The following ZNF711 variants were observed in gnomAD, a reference collection of about 807,000 sequenced individuals.
ZNF711 encodes the protein zinc finger protein 711.
A neutral mutation model predicts 43.5 loss-of-function variants in ZNF711; 3 were observed. The observed-to-expected ratio is 0.07, with a 90% CI of 0.03 to 0.18. The LOEUF (loss-of-function observed/expected upper bound fraction) is 0.18. ZNF711 is among the 10% of genes least tolerant of loss of function. ZNF711 has a pLI of 1.00. For synonymous variants in ZNF711, 209 were observed against 207.7 expected, an observed-to-expected ratio of 1.01 and a Z score of -0.06; for missense variants, 412 against 604.0, an observed-to-expected ratio of 0.68 and a Z score of 3.33.
At position 85,266,454 on chromosome X, in the gene ZNF711, C is replaced by T. The variant is rs528889002; in HGVS notation, c.917-824C>T. On this transcript the variant is annotated intron_variant, in intron 7 of 10. Transcript: ENST00000674551. ...GAATGTGGGAAACTTAGACCAGTGT[C>T]TCTTTTTGGTTAATAGAGAGAAGAC... is the stretch of plus-strand genomic sequence containing the variant. 6.2e-4 allele frequency among the ~76,000 whole-genome samples: 69 copies of T among 110,945 alleles called. No homozygotes were observed. In the South Asian group the frequency reaches 0.024, roughly 39 times the overall value.
At chrX:85,247,426 T>A in intron 3 of ZNF711, 121 bp from the exon 4 acceptor site, 1 of 437,254 alleles carries the variant, frequency 2.3e-6, no homozygotes, top group South Asian at 4.9e-5. Flanking sequence ...TGTTTTGCTT[T>A]CTTTTGTAAT....
In ZNF711 at chrX:85,265,177, C is replaced by A. The variant is rs760356724; in HGVS notation, c.838C>A (p.Leu280Ile). ...CAGTGGACATTCAGTAGCTGGAGTG[C>A]TTGACCAGAGCCGAATGCAGCGGGA... ...YTSGHSVAGV[L>I]DQSRMQREKM... The change falls in exon 7 of 11, where the codon CTT becomes ATT. Residue 280 changes from leucine (L) to isoleucine (I), a missense_variant. Leu to Ile is a conservative substitution (Grantham distance 5, BLOSUM62 2). This residue lies in a region of ZNF711 where 375 missense variants were observed against 514.2 expected (regional missense o/e 0.73). Coordinates refer to ENST00000674551, the MANE Select transcript of ZNF711 (RefSeq NM_001330574.2). 8.3e-7 allele frequency: 1 copy of A among 1,208,584 alleles called. No homozygotes were observed. The highest frequency in any genetic ancestry group is 1.1e-6 in the Non-Finnish European group (1 of 893,419).
chrX:85,269,924 C>A, intron 9 of ZNF711, 79 bp from the exon 10 acceptor site: 1 of 1,038,306 alleles, frequency 9.6e-7, no homozygotes, highest in Non-Finnish European at 1.3e-6. Flanking sequence ...GGTGTCATGT[C>A]ATCTGTAGTA....
At chrX:85,247,704 T>C (rs984578528) in intron 4 of ZNF711, 53 bp downstream of exon 4, 2 of 1,001,095 alleles carry the variant, frequency 2.0e-6, no homozygotes, top group African/African-American at 3.8e-5. Flanking sequence ...AAGGGGATAA[T>C]AAAAATCAAA....
At chrX:85,267,226 C>T in intron 7 of ZNF711, 52 bp from the exon 8 acceptor site, 1 of 927,285 alleles carries the variant, frequency 1.1e-6, no homozygotes, top group Non-Finnish European at 1.4e-6. Context: ...GAATTTTTAC[C>T]CACTTATTAA....
chrX:85,244,590 G>A (rs1040623086), intron 1 of ZNF711, among the ~76,000 whole-genome samples: 2 of 110,887 alleles, frequency 1.8e-5, no homozygotes, highest in African/African-American at 6.6e-5. Context: ...CTTTTCACTG[G>A]CGCCCCAGTC....
intron 10 of ZNF711, 123 bp from the exon 11 acceptor site, chrX:85,270,528 C>T: frequency 1.6e-6 from 1 of 619,100 alleles, no homozygotes; most frequent in African/African-American, 2.2e-5. Context: ...TTTTATATTA[C>T]AGGATTTCAT....
At chrX:85,245,502 T>C (rs1054002784) in intron 1 of ZNF711, among the ~76,000 whole-genome samples, 1 of 112,807 alleles carries the variant, frequency 8.9e-6, no homozygotes, top group Non-Finnish European at 1.9e-5. Flanking sequence ...TCACACAGTG[T>C]AATACTTTTA....
intron 5 of ZNF711, among the ~76,000 whole-genome samples, chrX:85,256,432 G>T (rs1930150729): frequency 9.0e-6 from 1 of 111,540 alleles, no homozygotes; most frequent in African/African-American, 3.3e-5. Flanking sequence ...TAAATGATGG[G>T]TTTATGAGAG....
In ZNF711 at chrX:85,244,044, T is replaced by A. The variant is rs1928739930; in HGVS notation, c.-553T>A. The A allele has an allele frequency of 8.0e-6, 1 of 125,157 alleles. No individual in the cohort carries two copies. The highest frequency in any genetic ancestry group is 1.6e-5 in the Non-Finnish European group (1 of 62,261). The allele number at this position is 125,157 out of a possible 1,213,427, so 10.3% of individuals were successfully genotyped here. On this transcript the variant is annotated 5_prime_UTR_variant, in exon 1 of 11. An upstream start codon of the reference 5' UTR is lost. Transcript: ENST00000674551. ...GGCTGCGGAACCTCGGAAACCCGAA[T>A]GTGAGGACCTTAAGGGATCCACAGC...
At chrX:85,267,871 CTTATT>C (rs1332257716) in intron 8 of ZNF711, among the ~76,000 whole-genome samples, 2 of 110,907 alleles carry the variant, frequency 1.8e-5, no homozygotes, top group Non-Finnish European at 3.8e-5. Context: ...CCCTTTCAGT[CTTATT>C]TTATTTCATT....
chrX:85,268,892 C>G (rs1011268298), intron 9 of ZNF711, among the ~76,000 whole-genome samples: 3 of 110,675 alleles, frequency 2.7e-5, no homozygotes, highest in Non-Finnish European at 3.8e-5. Context: ...CTGTTTCTAC[C>G]CTTGGGAAGT....
intron 4 of ZNF711, among the ~76,000 whole-genome samples, chrX:85,251,385 G>T (rs980302250): frequency 9.0e-6 from 1 of 111,627 alleles, no homozygotes. Flanking sequence ...TTTAATAGTT[G>T]TTTAAGATTT....
intron 1 of ZNF711, among the ~76,000 whole-genome samples, chrX:85,245,407 ACTG>A (rs1202752637): frequency 8.9e-6 from 1 of 112,252 alleles, no homozygotes; most frequent in Non-Finnish European, 1.9e-5. Flanking sequence ...TACTTAACAC[ACTG>A]CTGTTTTCAT....
In ZNF711 at chrX:85,262,337, C is replaced by T. The variant is rs185713252; in HGVS notation, c.623-1938C>T. On this transcript the variant is annotated intron_variant, in intron 5 of 10. Coordinates refer to ENST00000674551, the MANE Select transcript of ZNF711 (RefSeq NM_001330574.2). ...AGCTTATCCCAGAAGGAACTGTGAT[C>T]GCTTTAAACTATTCATGTATAATAA... Among the ~76,000 whole-genome samples, 907 of 110,299 alleles carry T rather than the reference C, an allele frequency of 8.2e-3. 5 individuals are homozygous for T. The highest frequency in any genetic ancestry group is 0.019 in the Middle Eastern group (4 of 209).
At chrX:85,260,817 C>A (rs776192980) in intron 5 of ZNF711, among the ~76,000 whole-genome samples, 4 of 110,661 alleles carry the variant, frequency 3.6e-5, no homozygotes, top group South Asian at 7.6e-4. Flanking sequence ...CCCCGCCCCC[C>A]CTGCTGACAT....
intron 5 of ZNF711, among the ~76,000 whole-genome samples, chrX:85,258,560 C>T (rs1930375441): frequency 9.2e-6 from 1 of 108,651 alleles, no homozygotes; most frequent in Non-Finnish European, 1.9e-5. Context: ...TCAGTATGAA[C>T]AAGCAAAATA....
intron 2 of ZNF711, among the ~76,000 whole-genome samples, chrX:85,246,614 T>C (rs997978973): frequency 8.9e-6 from 1 of 112,342 alleles, no homozygotes; most frequent in Non-Finnish European, 1.9e-5. Flanking sequence ...ATAAGTGCCT[T>C]ATAAAATTGA....
rs1299126204 is a variant in ZNF711, at chrX:85,270,830, C to T, written c.1426C>T (p.His476Tyr). 1 of 1,204,598 alleles carries T rather than the reference C, an allele frequency of 8.3e-7. No homozygotes were observed. The highest frequency in any genetic ancestry group is 1.8e-5 in the African/African-American group (1 of 56,893). Reference protein sequence around the residue: ...DFTTNKKVSFHNHLESHKLIN... With the variant: ...DFTTNKKVSFYNHLESHKLIN... ...TACAACTAACAAGAAAGTGAGTTTCCATAACCACTTAGAAAGCCATAAGCT... is the reference window on the plus strand; with the variant it reads ...TACAACTAACAAGAAAGTGAGTTTCTATAACCACTTAGAAAGCCATAAGCT... The change falls in exon 11 of 11, where the codon CAT becomes TAT. Residue 476 changes from histidine (H) to tyrosine (Y), a missense_variant. Physicochemically the swap from His to Tyr is moderately conservative, Grantham distance 83. This residue lies in a region of ZNF711 where 375 missense variants were observed against 514.2 expected (regional missense o/e 0.73). Transcript: ENST00000674551.
Sources: gnomAD v4.1 joint callset for allele counts (sites outside exome capture counted in the v4.1 genomes callset) on GRCh38, gnomAD v4.1.1 for gene constraint, gnomAD v4.1.1 regional missense constraint, MANE v1.5 for transcripts, NCBI Gene and HGNC (gene_info 2026-07-23, HGNC 2026-07-21) for gene names.